The following ASRGL1 variants were observed in gnomAD, a reference collection of about 807,000 sequenced individuals.
ASRGL1 encodes the protein asparaginase and isoaspartyl peptidase 1.
A neutral mutation model predicts 22.4 loss-of-function variants in ASRGL1; 16 were observed. The observed-to-expected ratio is 0.71, with a 90% CI of 0.48 to 1.08. The LOEUF is 1.08. Ranked by LOEUF, ASRGL1 falls within the 50% of genes least tolerant of loss-of-function variation. ASRGL1 has a pLI of 0.00. For synonymous variants in ASRGL1, 165 were observed against 159.3 expected, an observed-to-expected ratio of 1.04 and a Z score of -0.27; for missense variants, 412 against 410.1, an observed-to-expected ratio of 1.00 and a Z score of -0.04.
At chr11:62,375,759 A>G (rs1193996953) in intron 4 of ASRGL1, among the ~76,000 whole-genome samples, 1 of 151,808 alleles carries the variant, frequency 6.6e-6, no homozygotes, top group East Asian at 2.0e-4. Flanking sequence ...CCAGTGGTAT[A>G]ATTAGCTGCA....
At chr11:62,383,935 A>T (rs1033303515) in intron 4 of ASRGL1, among the ~76,000 whole-genome samples, 47 of 143,214 alleles carry the variant, frequency 3.3e-4, no homozygotes, top group Non-Finnish European at 6.2e-4. Flanking sequence ...AAAAATCAGT[A>T]CTCCCTGGAA....
At chr11:62,388,064 C>T (rs905844893) in intron 4 of ASRGL1, among the ~76,000 whole-genome samples, 8 of 152,132 alleles carry the variant, frequency 5.3e-5, no homozygotes, top group Admixed American at 2.0e-4. Flanking sequence ...CTATGTGGTC[C>T]GGCCTGTTGC....
intron 4 of ASRGL1, among the ~76,000 whole-genome samples, chr11:62,366,698 A>G (rs373347703): frequency 1.3e-4 from 19 of 151,782 alleles, no homozygotes; most frequent in African/African-American, 4.4e-4. Context: ...TTATAGATAG[A>G]TGGGATTTCT....
At chr11:62,348,231 C>CGT (rs1475873659) in intron 2 of ASRGL1, among the ~76,000 whole-genome samples, 1 of 152,092 alleles carries the variant, frequency 6.6e-6, no homozygotes, top group East Asian at 1.9e-4. Flanking sequence ...AAATAAAGAT[C>CGT]GTGGCATTGT....
intron 4 of ASRGL1, among the ~76,000 whole-genome samples, chr11:62,375,482 T>A (rs111446051): frequency 0.061 from 4,312 of 70,216 alleles, 255 homozygotes; most frequent in South Asian, 0.13. Context: ...ATATATATAT[T>A]TCTTGGAGTA....
intron 4 of ASRGL1, among the ~76,000 whole-genome samples, chr11:62,367,194 C>A (rs557132766): frequency 1.3e-5 from 2 of 151,872 alleles, no homozygotes; most frequent in Non-Finnish European, 2.9e-5. Context: ...AAAAATTAGC[C>A]GGGCATGGTG....
downstream of ASRGL1, among the ~76,000 whole-genome samples, chr11:62,394,085 T>G (rs1947398957): frequency 7.0e-6 from 1 of 143,056 alleles, no homozygotes; most frequent in Non-Finnish European, 1.5e-5. Flanking sequence ...ATATTATAAT[T>G]TATACAATAT....
intron 2 of ASRGL1, among the ~76,000 whole-genome samples, chr11:62,351,604 C>A (rs1355030405): frequency 6.7e-6 from 1 of 150,034 alleles, no homozygotes; most frequent in Admixed American, 6.7e-5. Flanking sequence ...GAGTAGAGAT[C>A]GTGTCACTGC....
intron 5 of ASRGL1, among the ~76,000 whole-genome samples, chr11:62,390,571 T>C (rs1249871867): frequency 6.6e-6 from 1 of 152,172 alleles, no homozygotes; most frequent in Non-Finnish European, 1.5e-5. Context: ...TTCCAAATAT[T>C]AGGGCACTTT....
rs1389844454 is a variant in ASRGL1, at chr11:62,337,571, C to T, written c.-92C>T. On this transcript the variant is annotated 5_prime_UTR_variant, in exon 1 of 7. Transcript: ENST00000415229. Reference sequence around the variant, plus strand: ...CTCGGCGTCCGCGTCCTGCGGTGCCCTGGGTAAGTCGGCGGCCCTCCCGGA... The same window carrying T: ...CTCGGCGTCCGCGTCCTGCGGTGCCTTGGGTAAGTCGGCGGCCCTCCCGGA... 6.0e-6 allele frequency: 1 copy of T among 165,358 alleles called. No homozygotes were observed. The allele number at this position is 165,358 out of a possible 1,614,324, so 10.2% of individuals were successfully genotyped here. A position where few individuals can be genotyped will look rare whatever the true frequency, so the allele number is the denominator to read the frequency against.
chr11:62,367,808 GGCACAC>G (rs1411147854), intron 4 of ASRGL1, among the ~76,000 whole-genome samples: 1 of 151,738 alleles, frequency 6.6e-6, no homozygotes, highest in Non-Finnish European at 1.5e-5. Context: ...TGGGCATGGT[GGCACAC>G]GCCTTTAGTC....
intron 2 of ASRGL1, among the ~76,000 whole-genome samples, chr11:62,346,339 G>A (rs927726791): frequency 5.9e-5 from 9 of 152,120 alleles, no homozygotes; most frequent in African/African-American, 2.2e-4. Context: ...ATGGGGGAAG[G>A]GGTGTGGACC....
chr11:62,337,716 T>G (rs1055846173), intron 1 of ASRGL1, 142 bp downstream of exon 1: 2 of 368,816 alleles, frequency 5.4e-6, no homozygotes, highest in Non-Finnish European at 9.4e-6. Context: ...TGGGCGCGGG[T>G]TAACGTCCCC....
intron 5 of ASRGL1, 98 bp from the exon 6 acceptor site, chr11:62,391,424 C>T: frequency 6.8e-7 from 1 of 1,466,504 alleles, no homozygotes; most frequent in Non-Finnish European, 9.1e-7. Flanking sequence ...GGTACTTGAG[C>T]ACCCTTCGCG....
rs752242890 is a variant in ASRGL1, at chr11:62,391,551, G to A, written c.640G>A (p.Gly214Arg). The A allele has an allele frequency of 5.0e-6, 8 of 1,612,338 alleles. No individual in the cohort carries two copies. In the Admixed American group the frequency reaches 8.4e-5, roughly 17 times the overall value. ...GAGGYADNDI[G>R]AVSTTGHGES... is the part of the protein sequence containing the mutation. ...TGGAGGTTATGCCGACAATGACATC[G>A]GAGCCGTCTCAACCACAGGGCATGG... Residue 214 changes from glycine to arginine, a missense_variant, in exon 6 of 7, where the codon GGA becomes AGA. Gly to Arg is a moderately radical substitution (Grantham distance 125). Coordinates refer to ENST00000415229, the MANE Select transcript of ASRGL1 (RefSeq NM_001083926.2).
intron 2 of ASRGL1, among the ~76,000 whole-genome samples, chr11:62,345,847 C>T (rs10897260): frequency 0.33 from 50,870 of 151,994 alleles, 9,931 homozygotes; most frequent in Middle Eastern, 0.48. Flanking sequence ...AGGGTTCACA[C>T]TCCTATGAGA....
At chr11:62,378,259 AT>A (rs2134675077) in intron 4 of ASRGL1, among the ~76,000 whole-genome samples, 1 of 152,296 alleles carries the variant, frequency 6.6e-6, no homozygotes, top group East Asian at 1.9e-4. Context: ...ATCAGATGCT[AT>A]TGCCAGTCCA....
At chr11:62,345,674 A>G (rs907534895) in intron 2 of ASRGL1, among the ~76,000 whole-genome samples, 2 of 152,160 alleles carry the variant, frequency 1.3e-5, no homozygotes, top group Non-Finnish European at 2.9e-5. Context: ...CTCAGGCTTG[A>G]TAATTTACTA....
chr11:62,371,141 G>C, intron 4 of ASRGL1: 2 of 1,087,456 alleles, frequency 1.8e-6, no homozygotes, highest in Non-Finnish European at 1.2e-6. Flanking sequence ...ACCATGCCCA[G>C]GAAGAAGGCG....
Sources: gnomAD v4.1 joint callset for allele counts (sites outside exome capture counted in the v4.1 genomes callset) on GRCh38, gnomAD v4.1.1 for gene constraint, MANE v1.5 for transcripts, NCBI Gene and HGNC (gene_info 2026-07-23, HGNC 2026-07-21) for gene names.